The following STIM1 variants were observed in gnomAD, a reference collection of about 807,000 sequenced individuals.
The protein encoded by STIM1 is stromal interaction molecule 1.
In STIM1, 25 loss-of-function variants were observed where a neutral mutation model predicts 74.7. The observed-to-expected ratio is 0.33, with a 90% CI of 0.24 to 0.47. STIM1 has a LOEUF of 0.47. Ranked by LOEUF, STIM1 falls within the 20% of genes least tolerant of loss-of-function variation. STIM1 has a pLI of 1.00. For synonymous variants in STIM1, 328 were observed against 348.8 expected, an observed-to-expected ratio of 0.94 and a Z score of 0.66; for missense variants, 728 against 920.8, an observed-to-expected ratio of 0.79 and a Z score of 2.71.
chr11:3,978,694 C>T (rs1404921236), intron 2 of STIM1, among the ~76,000 whole-genome samples: 1 of 151,868 alleles, frequency 6.6e-6, no homozygotes, highest in Non-Finnish European at 1.5e-5. Flanking sequence ...CCCAGGGAGG[C>T]GGAGGTTGCA....
intron 1 of STIM1, among the ~76,000 whole-genome samples, chr11:3,937,376 GTTC>G (rs943382183): frequency 2.6e-5 from 4 of 151,968 alleles, no homozygotes; most frequent in African/African-American, 9.7e-5. Flanking sequence ...CCTTGGGGCT[GTTC>G]TTCTTCCCTC....
At chr11:3,958,068 G>A (rs1021170292) in intron 1 of STIM1, among the ~76,000 whole-genome samples, 3 of 152,140 alleles carry the variant, frequency 2.0e-5, no homozygotes, top group Non-Finnish European at 2.9e-5. Context: ...GTGTCACCAT[G>A]TTGGCCAGGA....
chr11:3,867,892 C>A (rs2090922347), intron 1 of STIM1, among the ~76,000 whole-genome samples: 1 of 151,018 alleles, frequency 6.6e-6, no homozygotes, highest in Non-Finnish European at 1.5e-5. Flanking sequence ...TTTCAAATCT[C>A]ATGTGCCTCT....
intron 2 of STIM1, among the ~76,000 whole-genome samples, chr11:4,001,008 A>T (rs1279777386): frequency 6.6e-6 from 1 of 152,246 alleles, no homozygotes; most frequent in African/African-American, 2.4e-5. Flanking sequence ...GAAATGAATG[A>T]AATGAAGCGA....
At chr11:4,029,443 G>T (rs977455579) in intron 3 of STIM1, among the ~76,000 whole-genome samples, 1 of 151,928 alleles carries the variant, frequency 6.6e-6, no homozygotes, top group Non-Finnish European at 1.5e-5. Flanking sequence ...CTCCATGTCT[G>T]CACGGGCTTT....
chr11:4,025,989 T>C (rs2093995166), intron 3 of STIM1, among the ~76,000 whole-genome samples: 1 of 152,206 alleles, frequency 6.6e-6, no homozygotes, highest in Admixed American at 6.5e-5. Context: ...TTTGACAGAC[T>C]AAAAGTGAGA....
At chr11:4,054,757 T>C (rs1468603350) in intron 3 of STIM1, among the ~76,000 whole-genome samples, 1 of 152,180 alleles carries the variant, frequency 6.6e-6, no homozygotes, top group Non-Finnish European at 1.5e-5. Context: ...ATTTCACATC[T>C]TTTCTTTTGC....
At chr11:4,004,270 A>G (rs1227204972) in intron 2 of STIM1, among the ~76,000 whole-genome samples, 5 of 152,196 alleles carry the variant, frequency 3.3e-5, no homozygotes, top group African/African-American at 1.2e-4. Context: ...AAGAGCCCAC[A>G]TCGCCAAGTC....
At chr11:3,892,814 A>G in intron 1 of STIM1, 2 of 1,612,964 alleles carry the variant, frequency 1.2e-6, no homozygotes, top group South Asian at 2.2e-5. Context: ...CTTGTCTGCA[A>G]ATAGCTTGAA....
chr11:4,070,346 A>C, intron 6 of STIM1, 143 bp downstream of exon 6: 2 of 910,878 alleles, frequency 2.2e-6, no homozygotes, highest in Non-Finnish European at 3.5e-6. Context: ...ACTGCATTGC[A>C]AGTTTAGGTT....
At chr11:3,958,122 C>T (rs544654089) in intron 1 of STIM1, among the ~76,000 whole-genome samples, 143 of 152,336 alleles carry the variant, frequency 9.4e-4, no homozygotes, top group South Asian at 2.1e-3. Flanking sequence ...TCTCGGCCTC[C>T]CAAGATGCTG....
intron 2 of STIM1, among the ~76,000 whole-genome samples, chr11:3,993,065 GA>G (rs200224671): frequency 0.27 from 35,958 of 132,614 alleles, 5,214 homozygotes; most frequent in South Asian, 0.47. Flanking sequence ...GAGCTTTTTT[GA>G]AAAAAAAAAA....
chr11:4,072,829 G>A (rs570215797), intron 6 of STIM1, among the ~76,000 whole-genome samples: 16 of 152,288 alleles, frequency 1.1e-4, no homozygotes, highest in African/African-American at 3.9e-4. Flanking sequence ...GCAAGGGAAG[G>A]AGATGGCAGG....
intron 4 of STIM1, among the ~76,000 whole-genome samples, chr11:4,056,669 T>A (rs1272585814): frequency 6.6e-6 from 1 of 152,248 alleles, no homozygotes; most frequent in African/African-American, 2.4e-5. Context: ...CAGGCCTAGC[T>A]GAGCTGGCTG....
intron 2 of STIM1, among the ~76,000 whole-genome samples, chr11:3,975,075 G>T (rs1201102893): frequency 6.6e-6 from 1 of 152,158 alleles, no homozygotes; most frequent in Non-Finnish European, 1.5e-5. Context: ...AAACAGATAA[G>T]ATCCCTGCTT....
chr11:4,050,287 G>A (rs987657148), intron 3 of STIM1, among the ~76,000 whole-genome samples: 14 of 152,192 alleles, frequency 9.2e-5, no homozygotes, highest in Non-Finnish European at 1.8e-4. Context: ...GAGCAAGGGA[G>A]GAGTGGTTCT....
intron 10 of STIM1, among the ~76,000 whole-genome samples, chr11:4,084,263 A>G (rs751007031): frequency 6.6e-6 from 1 of 152,194 alleles, no homozygotes; most frequent in Non-Finnish European, 1.5e-5. Flanking sequence ...TGGTAAAGCT[A>G]TTGTCCTAGG....
At chr11:3,906,989 C>A (rs896976908) in intron 1 of STIM1, among the ~76,000 whole-genome samples, 4 of 152,044 alleles carry the variant, frequency 2.6e-5, no homozygotes, top group African/African-American at 9.7e-5. Context: ...TTAACACCAG[C>A]GTGCCTTCAC....
chr11:3,855,926 C>A lies in STIM1; in HGVS notation c.-345C>A. ...TCTTCCTCCTCCACTTCTGTGCCCGCGGAGACTCCGGCCGCCCCCTTCCGC... is the reference window on the plus strand; with the variant it reads ...TCTTCCTCCTCCACTTCTGTGCCCGAGGAGACTCCGGCCGCCCCCTTCCGC... On this transcript the variant is annotated 5_prime_UTR_variant, in exon 1 of 13. Transcript: ENST00000526596. 1 of 334,716 alleles carries A rather than the reference C, an allele frequency of 3.0e-6. No homozygotes were observed. The allele number at this position is 334,716 out of a possible 1,614,324, so 20.7% of individuals were successfully genotyped here. A position where few individuals can be genotyped will look rare whatever the true frequency, so the allele number is the denominator to read the frequency against.
Sources: gnomAD v4.1 joint callset for allele counts (sites outside exome capture counted in the v4.1 genomes callset) on GRCh38, gnomAD v4.1.1 for gene constraint, MANE v1.5 for transcripts, NCBI Gene and HGNC (gene_info 2026-07-23, HGNC 2026-07-21) for gene names.